The following ADAMTSL3 variants were observed in gnomAD, a reference collection of about 807,000 sequenced individuals.
ADAMTSL3 encodes the protein ADAMTS like 3.
A neutral mutation model predicts 201.7 loss-of-function variants in ADAMTSL3; 128 were observed. That is an observed-to-expected ratio of 0.63 (90% CI 0.55 to 0.73). The LOEUF (loss-of-function observed/expected upper bound fraction) is 0.73. Among genes scored for constraint, ADAMTSL3 ranks in the 30% least tolerant of loss-of-function variants. ADAMTSL3 has a pLI of 0.00. For missense variants in ADAMTSL3, 1,990 were observed against 2,119.6 expected, an observed-to-expected ratio of 0.94 and a Z score of 1.20; for synonymous variants, 738 against 748.4, an observed-to-expected ratio of 0.99 and a Z score of 0.23.
At chr15:83,882,658 T>C (rs2141860754) in intron 9 of ADAMTSL3, among the ~76,000 whole-genome samples, 1 of 152,284 alleles carries the variant, frequency 6.6e-6, no homozygotes, top group East Asian at 1.9e-4. Context: ...TATAGGTGAA[T>C]AGCTGATAAC....
At chr15:84,019,323 T>C (rs1226228784) in intron 25 of ADAMTSL3, among the ~76,000 whole-genome samples, 1 of 152,118 alleles carries the variant, frequency 6.6e-6, no homozygotes, top group African/African-American at 2.4e-5. Flanking sequence ...TAGACCACTT[T>C]GGAAGACGAT....
intron 3 of ADAMTSL3, among the ~76,000 whole-genome samples, chr15:83,707,792 T>C (rs1433411472): frequency 6.6e-6 from 1 of 152,242 alleles, no homozygotes; most frequent in Non-Finnish European, 1.5e-5. Flanking sequence ...CAACATAATA[T>C]AGGGTTTAAT....
intron 19 of ADAMTSL3, among the ~76,000 whole-genome samples, chr15:83,953,429 A>C (rs1175784416): frequency 1.3e-5 from 2 of 152,162 alleles, no homozygotes; most frequent in African/African-American, 4.8e-5. Context: ...TGAAAACTCT[A>C]TACTTTTACT....
intron 15 of ADAMTSL3, among the ~76,000 whole-genome samples, chr15:83,911,416 A>C (rs2065931687): frequency 6.6e-6 from 1 of 152,168 alleles, no homozygotes; most frequent in Admixed American, 6.5e-5. Context: ...TCATACCTAA[A>C]CCTATGTCCT....
At chr15:83,976,657 G>A (rs192854785) in intron 20 of ADAMTSL3, among the ~76,000 whole-genome samples, 6 of 151,906 alleles carry the variant, frequency 3.9e-5, no homozygotes, top group Middle Eastern at 3.4e-3. Context: ...GATCCCTCAC[G>A]TGCACAGTTC....
At chr15:83,860,386 TGAA>T (rs1164514365) in intron 8 of ADAMTSL3, among the ~76,000 whole-genome samples, 1 of 152,222 alleles carries the variant, frequency 6.6e-6, no homozygotes, top group Non-Finnish European at 1.5e-5. Context: ...TAGGGGTCCC[TGAA>T]GGCTGACACT....
chr15:84,013,730 T>C lies in ADAMTSL3; in HGVS notation c.3974-812T>C, dbSNP rs139122453. Among the ~76,000 whole-genome samples the C allele has an allele frequency of 8.6e-3, 1,313 of 152,288 alleles. 9 individuals carry two copies. Among genetic ancestry groups the C allele is most frequent in the South Asian group, 0.021 (102 of 4,824 alleles). ...TTGCAGTGAGCCAAGATTGTGCCACTGCACTCCAGGCTAGGTGACAGAGGG... is the reference window on the plus strand; with the variant it reads ...TTGCAGTGAGCCAAGATTGTGCCACCGCACTCCAGGCTAGGTGACAGAGGG... On this transcript the variant is annotated intron_variant, in intron 23 of 29. Transcript: ENST00000286744.
chr15:84,032,521 T>C (rs978709785), intron 28 of ADAMTSL3, among the ~76,000 whole-genome samples: 3 of 152,244 alleles, frequency 2.0e-5, no homozygotes, highest in Admixed American at 1.3e-4. Context: ...CAGATTGATA[T>C]GCATCATCCC....
At chr15:83,670,668 A>G (rs1476629646) in intron 2 of ADAMTSL3, among the ~76,000 whole-genome samples, 1 of 152,204 alleles carries the variant, frequency 6.6e-6, no homozygotes, top group Admixed American at 6.5e-5. Context: ...TAACCCACTA[A>G]TGGAATGTAT....
chr15:83,905,579 C>T (rs191616562), intron 15 of ADAMTSL3, among the ~76,000 whole-genome samples: 84 of 152,280 alleles, frequency 5.5e-4, no homozygotes, highest in Admixed American at 1.3e-3. Context: ...TATCAGGAGG[C>T]TGTGGGAGCC....
chr15:83,827,272 A>G (rs535171160), intron 6 of ADAMTSL3, among the ~76,000 whole-genome samples: 39 of 151,996 alleles, frequency 2.6e-4, no homozygotes, highest in Non-Finnish European at 4.7e-4. Flanking sequence ...GATGATGAGC[A>G]TTTTTTCATG....
chr15:83,726,050 GGT>G (rs2062170080), intron 3 of ADAMTSL3, among the ~76,000 whole-genome samples: 1 of 151,576 alleles, frequency 6.6e-6, no homozygotes, highest in Non-Finnish European at 1.5e-5. Flanking sequence ...TCCTTTTTTT[GGT>G]GTGTCCTCTT....
intron 7 of ADAMTSL3, among the ~76,000 whole-genome samples, chr15:83,847,895 A>G (rs1391620266): frequency 3.9e-5 from 6 of 152,078 alleles, no homozygotes; most frequent in Admixed American, 3.3e-4. Context: ...TGTTGTCACA[A>G]CATTATCTCA....
At chr15:83,833,694 G>C (rs1339084877) in intron 6 of ADAMTSL3, among the ~76,000 whole-genome samples, 1 of 152,176 alleles carries the variant, frequency 6.6e-6, no homozygotes, top group Non-Finnish European at 1.5e-5. Flanking sequence ...ATTCGGTAAA[G>C]AACAGTCAGT....
chr15:83,978,374 C>A (rs1053506588), intron 20 of ADAMTSL3, among the ~76,000 whole-genome samples: 3 of 152,072 alleles, frequency 2.0e-5, no homozygotes, highest in Admixed American at 2.0e-4. Flanking sequence ...GCATTTCTCA[C>A]ATTTAGCACA....
intron 8 of ADAMTSL3, among the ~76,000 whole-genome samples, chr15:83,860,876 C>T (rs1009443813): frequency 6.6e-6 from 1 of 152,186 alleles, no homozygotes; most frequent in African/African-American, 2.4e-5. Context: ...GGCATCGCGT[C>T]ACCCGGGAAG....
chr15:83,873,315 AATT>A (rs1268204048), intron 9 of ADAMTSL3, among the ~76,000 whole-genome samples: 1 of 145,512 alleles, frequency 6.9e-6, no homozygotes. Flanking sequence ...AAAAAATAGT[AATT>A]AAAAAAATAA....
At position 83,923,932 on chromosome 15, in the gene ADAMTSL3, A is replaced by C; in HGVS notation, c.2016A>C (p.Leu672Phe). Residue 672 changes from leucine to phenylalanine, a missense_variant, in exon 17 of 30, where the codon TTA becomes TTC. Physicochemically the swap from Leu to Phe is conservative, Grantham distance 22 (BLOSUM62 0). Transcript: ENST00000286744. ...ATCAAGAAGCCATAGCAGTGTGCTT[A>C]CATATCCAGACCCAGCAGACAGTCA... ...GGHQEAIAVC[L>F]HIQTQQTVND... 1 of 1,614,150 alleles carries C rather than the reference A, an allele frequency of 6.2e-7. No individual in the cohort carries two copies. Among genetic ancestry groups the C allele is most frequent in the Non-Finnish European group, 8.5e-7 (1 of 1,179,992 alleles).
intron 17 of ADAMTSL3, 73 bp from the exon 18 acceptor site, chr15:83,942,523 G>T: frequency 7.0e-7 from 1 of 1,431,090 alleles, no homozygotes; most frequent in South Asian, 1.3e-5. Flanking sequence ...AGAGCTTCAC[G>T]TTGTTCATGC....
Sources: gnomAD v4.1 joint callset for allele counts (sites outside exome capture counted in the v4.1 genomes callset) on GRCh38, gnomAD v4.1.1 for gene constraint, MANE v1.5 for transcripts, NCBI Gene and HGNC (gene_info 2026-07-23, HGNC 2026-07-21) for gene names.